OSBPL5: variants seen among roughly 807,000 people sequenced by gnomAD.
OSBPL5 encodes oxysterol binding protein like 5, also known as oxysterol-binding protein-related protein 5.
A neutral mutation model predicts 111.2 loss-of-function variants in OSBPL5; 71 were observed. The observed-to-expected ratio is 0.64, with a 90% CI of 0.53 to 0.78. The LOEUF is 0.78. Among genes scored for constraint, OSBPL5 ranks in the 30% least tolerant of loss-of-function variants. OSBPL5 has a pLI of 0.00. For missense variants in OSBPL5, 1,210 were observed against 1,189.3 expected, an observed-to-expected ratio of 1.02 and a Z score of -0.26; for synonymous variants, 549 against 513.9, an observed-to-expected ratio of 1.07 and a Z score of -0.93.
chr11:3,097,081 G>GGGGA (rs1857294009), intron 14 of OSBPL5, among the ~76,000 whole-genome samples: 2 of 85,306 alleles, frequency 2.3e-5, no homozygotes, highest in Non-Finnish European at 5.2e-5. Context: ...ATGGAAGGAG[G>GGGGA]AGAAGAGGAA....
At chr11:3,128,622 A>G (rs1471875104) in intron 2 of OSBPL5, among the ~76,000 whole-genome samples, 1 of 152,106 alleles carries the variant, frequency 6.6e-6, no homozygotes, top group East Asian at 1.9e-4. Flanking sequence ...CATTTTATAG[A>G]TCAGTCAACT....
chr11:3,157,143 C>T (rs1190103419), intron 1 of OSBPL5, among the ~76,000 whole-genome samples: 2 of 152,222 alleles, frequency 1.3e-5, no homozygotes, highest in Non-Finnish European at 2.9e-5. Flanking sequence ...CCGCGTGCCT[C>T]CGTGCAAAAC....
intron 11 of OSBPL5, 101 bp from the exon 12 acceptor site, chr11:3,102,382 C>A (rs1590647587): frequency 9.3e-7 from 1 of 1,076,372 alleles, no homozygotes; most frequent in Non-Finnish European, 1.4e-6. Context: ...GGGTGGGCTA[C>A]CCGCTGCCTG....
rs7102910 is a variant in OSBPL5 at position 3,095,195 on chromosome 11, T to A, written c.1622-861A>T. 2.0e-4 allele frequency among the ~76,000 whole-genome samples: 31 copies of A among 151,238 alleles called. No individual in the cohort carries two copies. The East Asian group carries it at 2.3e-3, about 11-fold the overall frequency. On this transcript the variant is annotated intron_variant, in intron 14 of 21. Coordinates refer to ENST00000263650, the MANE Select transcript of OSBPL5 (RefSeq NM_020896.4). The stretch of plus-strand genomic sequence containing the variant: ...AAGCGGCATCTCTGTGCAGCTCTGA[T>A]GGGGGGAGGTCTCCAGGCTCCACGG...
At position 3,105,792 on chromosome 11, in the gene OSBPL5, C is replaced by T. The variant is rs1281276172; in HGVS notation, c.1060-1415G>A. Among the ~76,000 whole-genome samples, 1 of 152,202 alleles carries T rather than the reference C, an allele frequency of 6.6e-6. No homozygotes were observed. The highest frequency in any genetic ancestry group is 2.4e-5 in the African/African-American group (1 of 41,442). The stretch of plus-strand genomic sequence containing the variant: ...CCGCTCCATGCCCTCTGCCCGGAGC[C>T]CCAGGCTCGCACCTGCAGCAGCCCG... On this transcript the variant is annotated intron_variant, in intron 9 of 21. Transcript: ENST00000263650. The surrounding 1 kb of genome is among the most constrained non-coding windows in gnomAD (Gnocchi z 5.2).
At position 3,126,970 on chromosome 11, in the gene OSBPL5, C is replaced by T. The variant is rs1210940200; in HGVS notation, c.137-415G>A. On this transcript the variant is annotated intron_variant, in intron 2 of 21. Coordinates refer to ENST00000263650, the MANE Select transcript of OSBPL5 (RefSeq NM_020896.4). The surrounding 1 kb of genome is among the most constrained non-coding windows in gnomAD (Gnocchi z 6.5). ...GTGCATCCCCCTGGCTGGATGCTGC[C>T]GGCCCCTGCGTGCTGGGCTCTTGCT... Among the ~76,000 whole-genome samples, 3 of 152,204 alleles carry T rather than the reference C, an allele frequency of 2.0e-5. No homozygotes were observed. The highest frequency in any genetic ancestry group is 4.8e-5 in the African/African-American group (2 of 41,442).
chr11:3,093,379 G>A (rs755359243), intron 17 of OSBPL5, 148 bp downstream of exon 17: 19 of 1,263,190 alleles, frequency 1.5e-5, no homozygotes, highest in Admixed American at 9.2e-5. Context: ...TCCAGGACAC[G>A]TGATCTGCCA....
At chr11:3,090,281 C>A (rs1857011211) in intron 20 of OSBPL5, among the ~76,000 whole-genome samples, 1 of 152,198 alleles carries the variant, frequency 6.6e-6, no homozygotes, top group African/African-American at 2.4e-5. Context: ...GGGCAGGATG[C>A]CACTGGACCT....
Position 3,092,165 on chromosome 11 carries a change from G to A in OSBPL5, c.2259+267C>T, listed in dbSNP as rs1031395086. ...AATGGGATAATGTGGCTGCTAACTT[G>A]GCAGAGGGAGACTTTGGGGGCAGTG... On this transcript the variant is annotated intron_variant, in intron 19 of 21. Coordinates refer to ENST00000263650, the MANE Select transcript of OSBPL5 (RefSeq NM_020896.4). This position sits in a 1 kb window ranked among gnomAD's most constrained non-coding sequence, Gnocchi z 5.4. 1.5e-4 allele frequency among the ~76,000 whole-genome samples: 23 copies of A among 151,604 alleles called. No individual in the cohort carries two copies. The highest frequency in any genetic ancestry group is 1.5e-3 in the Admixed American group (23 of 15,222).
chr11:3,093,885 C>T (rs148559399), intron 15 of OSBPL5, 50 bp from the exon 16 acceptor site: 9 of 1,566,538 alleles, frequency 5.7e-6, no homozygotes, highest in Non-Finnish European at 7.8e-6. Context: ...GCTGGGGCCT[C>T]CAGAATCACA....
rs1162976116 is a variant in OSBPL5 at position 3,161,959 on chromosome 11, A to G, written c.-22+3257T>C. 2.1e-5 allele frequency among the ~76,000 whole-genome samples: 3 copies of G among 145,202 alleles called. No homozygotes were observed. The highest frequency in any genetic ancestry group is 4.5e-5 in the Non-Finnish European group (3 of 66,554). ...CCGGGGCTGACGCCAGACCCCTGTG[A>G]GCAAGGAGGGGAGAGGGAGGGGAGG... On this transcript the variant is annotated intron_variant, in intron 1 of 21. Coordinates refer to ENST00000263650, the MANE Select transcript of OSBPL5 (RefSeq NM_020896.4). The surrounding 1 kb of genome is among the most constrained non-coding windows in gnomAD (Gnocchi z 8.0).
At chr11:3,093,097 G>C in intron 17 of OSBPL5, 45 bp from the exon 18 acceptor site, 3 of 1,468,470 alleles carry the variant, frequency 2.0e-6, no homozygotes, top group Non-Finnish European at 2.7e-6. Flanking sequence ...CGGGCAGCCC[G>C]ACCCCTAGGC....
At chr11:3,115,471 T>C (rs1858177953) in intron 7 of OSBPL5, among the ~76,000 whole-genome samples, 1 of 152,214 alleles carries the variant, frequency 6.6e-6, no homozygotes. Flanking sequence ...CGGTAGAAGA[T>C]GCCAATCAAA....
At chr11:3,094,500 T>A (rs1590634012) in intron 14 of OSBPL5, 166 bp from the exon 15 acceptor site, 1 of 601,166 alleles carries the variant, frequency 1.7e-6, no homozygotes. Flanking sequence ...CAGGAGGCGC[T>A]GGGAGCAGAA....
Position 3,092,914 on chromosome 11 carries a change from C to T in OSBPL5, c.2085G>A (p.Leu695=), listed in dbSNP as rs760831817. ...CCTGGGTGATGGGGTCCAGGTGGAA[C>T]AGCTGCGGCTTCCAGGGCATGAGGC... ...QESLMPWKPQ[L]FHLDPITQEW... Residue 695 remains leucine, a synonymous_variant, in exon 18 of 22, where the codon CTG becomes CTA. Transcript: ENST00000263650. This position sits in a 1 kb window ranked among gnomAD's most constrained non-coding sequence, Gnocchi z 5.4. The T allele has an allele frequency of 1.3e-6, 2 of 1,565,970 alleles. No individual in the cohort carries two copies. The highest frequency in any genetic ancestry group is 1.7e-6 in the Non-Finnish European group (2 of 1,155,224).
Position 3,107,333 on chromosome 11 carries a change from G to C in OSBPL5, c.989C>G (p.Ser330Ter). 1 of 1,613,898 alleles carries C rather than the reference G, an allele frequency of 6.2e-7. No homozygotes were observed. The change falls in exon 9 of 22, where the codon TCA becomes TGA. Residue 330 changes from serine to a stop codon, truncating the protein, a stop_gained. Coordinates refer to ENST00000263650, the MANE Select transcript of OSBPL5 (RefSeq NM_020896.4). LOFTEE classifies it high-confidence loss of function. The surrounding 1 kb of genome is among the most constrained non-coding windows in gnomAD (Gnocchi z 6.1). Reference protein sequence around the residue: ...SRKTESGSDQSETPGAPVRRG... With the variant: ...SRKTESGSDQ ...CCGCACCGGGGCCCCAGGGGTCTCTGACTGGTCGCTGCCACTCTCCGTCTT... is the reference window on the plus strand; with the variant it reads ...CCGCACCGGGGCCCCAGGGGTCTCTCACTGGTCGCTGCCACTCTCCGTCTT...
At position 3,107,051 on chromosome 11, in the gene OSBPL5, G is replaced by C; in HGVS notation, c.1059+212C>G. Among the ~76,000 whole-genome samples, 1 of 152,148 alleles carries C rather than the reference G, an allele frequency of 6.6e-6. No homozygotes were observed. Among genetic ancestry groups the C allele is most frequent in the South Asian group, 2.1e-4 (1 of 4,822 alleles). ...GATCCCCGCATCTGCATGCCAGCCA[G>C]CCAGCCAGCCAGCGGGGCAGCCTCT... On this transcript the variant is annotated intron_variant, in intron 9 of 21. Coordinates refer to ENST00000263650, the MANE Select transcript of OSBPL5 (RefSeq NM_020896.4). This position sits in a 1 kb window ranked among gnomAD's most constrained non-coding sequence, Gnocchi z 6.1.
At chr11:3,163,380 C>G (rs897165923) in intron 1 of OSBPL5, among the ~76,000 whole-genome samples, 23 of 152,212 alleles carry the variant, frequency 1.5e-4, no homozygotes, top group Non-Finnish European at 2.8e-4. Flanking sequence ...AGCCCTTCCA[C>G]CCGCCGGCTT....
intron 1 of OSBPL5, among the ~76,000 whole-genome samples, chr11:3,158,612 C>T (rs1846855510): frequency 6.6e-6 from 1 of 152,234 alleles, no homozygotes; most frequent in Non-Finnish European, 1.5e-5. Context: ...CATGAGACCT[C>T]TTCTGGGCTG....
Sources: allele counts gnomAD v4.1 joint callset (sites outside exome capture counted in the v4.1 genomes callset), GRCh38; gene constraint gnomAD v4.1.1; non-coding constraint Gnocchi (gnomAD v3.1); transcripts MANE v1.5; gene names NCBI Gene and HGNC (gene_info 2026-07-23, HGNC 2026-07-21).